The following SORCS1 variants were observed in gnomAD, a reference collection of about 807,000 sequenced individuals.
The protein encoded by SORCS1 is VPS10 domain-containing receptor SorCS1.
A neutral mutation model predicts 146.1 loss-of-function variants in SORCS1; 60 were observed. The observed-to-expected ratio is 0.41, with a 90% CI of 0.33 to 0.51. The LOEUF is 0.51. SORCS1 is among the 20% of genes least tolerant of loss of function. The probability of loss-of-function intolerance (pLI) is 0.21; values close to 1 mark genes in which losing one functional copy is unlikely to be tolerated. For missense variants in SORCS1, 1,352 were observed against 1,487.6 expected, an observed-to-expected ratio of 0.91 and a Z score of 1.50; for synonymous variants, 637 against 584.0, an observed-to-expected ratio of 1.09 and a Z score of -1.31.
chr10:107,156,934 T>G (rs1033441861), intron 1 of SORCS1, among the ~76,000 whole-genome samples: 1 of 152,190 alleles, frequency 6.6e-6, no homozygotes, highest in Admixed American at 6.5e-5. Context: ...ACTGGGAACC[T>G]CACTTCCAGA....
intron 3 of SORCS1, among the ~76,000 whole-genome samples, chr10:106,785,426 T>A (rs1946011619): frequency 6.6e-6 from 1 of 152,224 alleles, no homozygotes; most frequent in Non-Finnish European, 1.5e-5. Flanking sequence ...TGGTATTCAC[T>A]TTTCTTTCAT....
At chr10:106,622,612 T>C (rs943517405) in intron 19 of SORCS1, among the ~76,000 whole-genome samples, 3 of 152,202 alleles carry the variant, frequency 2.0e-5, no homozygotes, top group African/African-American at 7.2e-5. Flanking sequence ...AAGCATATGT[T>C]GAGAAGCAGT....
intron 1 of SORCS1, among the ~76,000 whole-genome samples, chr10:107,138,376 A>G (rs543903617): frequency 5.9e-5 from 9 of 152,304 alleles, no homozygotes; most frequent in Admixed American, 2.6e-4. Flanking sequence ...CTTTACGAGG[A>G]TCTATCTGTC....
chr10:107,121,069 TGGAGCC>T (rs1006174266), intron 1 of SORCS1, among the ~76,000 whole-genome samples: 27 of 152,190 alleles, frequency 1.8e-4, no homozygotes, highest in African/African-American at 6.5e-4. Context: ...CAGGTGTCTT[TGGAGCC>T]GAAGTCTTTA....
At chr10:106,939,830 C>G (rs1008388817) in intron 2 of SORCS1, among the ~76,000 whole-genome samples, 2 of 152,228 alleles carry the variant, frequency 1.3e-5, no homozygotes, top group African/African-American at 4.8e-5. Context: ...TTCTCCAGTA[C>G]TATTGCTCTC....
intron 1 of SORCS1, among the ~76,000 whole-genome samples, chr10:107,092,947 A>G (rs1216545016): frequency 6.6e-6 from 1 of 151,570 alleles, no homozygotes; most frequent in African/African-American, 2.4e-5. Flanking sequence ...AAGTTCAATA[A>G]GGAAAGAAAC....
At chr10:107,121,532 C>T (rs1327028891) in intron 1 of SORCS1, among the ~76,000 whole-genome samples, 2 of 151,918 alleles carry the variant, frequency 1.3e-5, no homozygotes, top group African/African-American at 4.8e-5. Context: ...CCTGTTATTA[C>T]ATTATTGTTA....
intron 5 of SORCS1, among the ~76,000 whole-genome samples, chr10:106,736,113 A>G (rs959040753): frequency 5.3e-5 from 8 of 152,212 alleles, no homozygotes; most frequent in Middle Eastern, 3.2e-3. Context: ...CTGAAATACA[A>G]TCAGCCAAAT....
At chr10:107,020,987 A>T in intron 1 of SORCS1, among the ~76,000 whole-genome samples, 1 of 152,262 alleles carries the variant, frequency 6.6e-6, no homozygotes. Flanking sequence ...AGAAGGAAAC[A>T]ATTTTAAAAA....
intron 2 of SORCS1, among the ~76,000 whole-genome samples, chr10:106,882,540 T>G (rs964656397): frequency 1.3e-5 from 2 of 152,152 alleles, no homozygotes; most frequent in Admixed American, 1.3e-4. Flanking sequence ...CCAATAAAAC[T>G]TTATTTATAA....
intron 2 of SORCS1, among the ~76,000 whole-genome samples, chr10:106,875,389 G>A (rs994307419): frequency 4.6e-5 from 7 of 152,264 alleles, no homozygotes; most frequent in Middle Eastern, 3.4e-3. Flanking sequence ...TTGGTTCCAT[G>A]TCTTTGCAAT....
chr10:106,971,326 T>C (rs769102549), intron 1 of SORCS1, among the ~76,000 whole-genome samples: 1 of 152,228 alleles, frequency 6.6e-6, no homozygotes, highest in Non-Finnish European at 1.5e-5. Context: ...ATCCTCTTGC[T>C]GACCTAAGGA....
rs540265460 is a variant in SORCS1 at position 106,711,819 on chromosome 10, C to T, written c.1025-2478G>A. On this transcript the variant is annotated intron_variant, in intron 6 of 25. Transcript: ENST00000263054. ...TTTCTGGGACTATCCCTTCCCAGAA[C>T]GATCCTCCGTCTAGCACACAAAATC... Among the ~76,000 whole-genome samples, 31 of 152,280 alleles carry T rather than the reference C, an allele frequency of 2.0e-4. No homozygotes were observed. In the East Asian group the frequency reaches 4.8e-3, roughly 24 times the overall value.
intron 1 of SORCS1, among the ~76,000 whole-genome samples, chr10:106,964,945 C>A (rs891055751): frequency 6.6e-6 from 1 of 150,514 alleles, no homozygotes; most frequent in Non-Finnish European, 1.5e-5. Context: ...GTTTAGCCAC[C>A]AGATCTAGTA....
chr10:106,700,684 A>C (rs1854075382), intron 8 of SORCS1, among the ~76,000 whole-genome samples: 1 of 152,154 alleles, frequency 6.6e-6, no homozygotes, highest in Non-Finnish European at 1.5e-5. Flanking sequence ...ATCAAGCAGC[A>C]TTTCAGCTCT....
At chr10:107,004,148 C>T (rs1957339385) in intron 1 of SORCS1, among the ~76,000 whole-genome samples, 1 of 141,064 alleles carries the variant, frequency 7.1e-6, no homozygotes, top group South Asian at 2.2e-4. Context: ...TGCACTCCAG[C>T]CTGGGCGACA....
At chr10:107,142,900 G>A (rs1017888124) in intron 1 of SORCS1, among the ~76,000 whole-genome samples, 3 of 152,202 alleles carry the variant, frequency 2.0e-5, no homozygotes, top group Admixed American at 6.5e-5. Flanking sequence ...CAAGACCAAC[G>A]TGTCCTGACT....
At chr10:106,879,790 G>T (rs1329417637) in intron 2 of SORCS1, among the ~76,000 whole-genome samples, 1 of 152,182 alleles carries the variant, frequency 6.6e-6, no homozygotes, top group Non-Finnish European at 1.5e-5. Flanking sequence ...CAGACCTACA[G>T]CCTTAGGACC....
intron 1 of SORCS1, among the ~76,000 whole-genome samples, chr10:107,159,792 A>G: frequency 6.6e-6 from 1 of 152,186 alleles, no homozygotes. Context: ...TTGCTAGAGA[A>G]AGCTAAAATC....
Sources: gnomAD v4.1 joint callset for allele counts (sites outside exome capture counted in the v4.1 genomes callset) on GRCh38, gnomAD v4.1.1 for gene constraint, MANE v1.5 for transcripts, NCBI Gene and HGNC (gene_info 2026-07-23, HGNC 2026-07-21) for gene names.